C2orf49: variants seen among roughly 807,000 people sequenced by gnomAD.
The protein encoded by C2orf49 is tRNA splicing ligase complex subunit 2, also known as tRNA-splicing ligase complex subunit ASW.
In C2orf49, 11 loss-of-function variants were observed where a neutral mutation model predicts 20.6. That is an observed-to-expected ratio of 0.53 (90% CI 0.34 to 0.88). The LOEUF is 0.88. Among genes scored for constraint, C2orf49 ranks in the 40% least tolerant of loss-of-function variants. The probability of loss-of-function intolerance (pLI) is 0.02; values close to 1 mark genes in which losing one functional copy is unlikely to be tolerated. For synonymous variants in C2orf49, 134 were observed against 108.5 expected (o/e 1.24, Z -1.46); for missense variants, 289 against 274.2 (o/e 1.05, Z -0.38).
chr2:105,343,264 A>G (rs1290966230), intron 3 of C2orf49, 41 bp downstream of exon 3: 3 of 1,523,432 alleles, frequency 2.0e-6, no homozygotes, highest in Non-Finnish European at 2.6e-6. Context: ...AGTGGTCTGA[A>G]TGAAACTTGA....
intron 3 of C2orf49, among the ~76,000 whole-genome samples, chr2:105,344,614 C>G (rs1010698462): frequency 7.2e-5 from 11 of 152,054 alleles, no homozygotes; most frequent in African/African-American, 2.7e-4. Flanking sequence ...GAGTCTTGCT[C>G]TGTCTCCCAG....
chr2:105,354,641 G>A, the C2orf49 span, among the ~76,000 whole-genome samples: 2 of 150,234 alleles, frequency 1.3e-5, no homozygotes, highest in South Asian at 2.1e-4. Flanking sequence ...ACTCCAGCCT[G>A]GGCGACAACA....
At chr2:105,357,373 C>CG in the C2orf49 span, among the ~76,000 whole-genome samples, 1 of 152,128 alleles carries the variant, frequency 6.6e-6, no homozygotes, top group African/African-American at 2.4e-5. Context: ...ATTTAGTATA[C>CG]TTTTCAACTT....
the C2orf49 span, among the ~76,000 whole-genome samples, chr2:105,366,833 C>T: frequency 1.3e-5 from 2 of 152,170 alleles, no homozygotes; most frequent in Admixed American, 6.5e-5. Flanking sequence ...GCAACCTCCA[C>T]CTCCCGGGTT....
downstream of C2orf49, among the ~76,000 whole-genome samples, chr2:105,352,817 A>C (rs1245191679): frequency 6.6e-6 from 1 of 152,030 alleles, no homozygotes; most frequent in Non-Finnish European, 1.5e-5. Context: ...AGAACATTTA[A>C]CAATTAAAGT....
chr2:105,365,462 C>T, the C2orf49 span, among the ~76,000 whole-genome samples: 8 of 152,070 alleles, frequency 5.3e-5, no homozygotes, highest in Non-Finnish European at 8.8e-5. Flanking sequence ...GAATAAAGCA[C>T]ACATTGGAAA....
Position 105,343,230 on chromosome 2 carries a change from A to G in C2orf49, c.642+7A>G. ...AGAAGAGGCAGAGGCCATGGTAAGT[A>G]TGGGGGTGGTTTCCATGCTGGTAAG... On this transcript the variant is annotated splice_region_variant and intron_variant, in intron 3 of 3. Coordinates refer to ENST00000258457, the MANE Select transcript of C2orf49 (RefSeq NM_024093.3). 6.4e-7 allele frequency: 1 copy of G among 1,561,874 alleles called. No individual in the cohort carries two copies. Among genetic ancestry groups the G allele is most frequent in the Non-Finnish European group, 8.6e-7 (1 of 1,160,068 alleles).
At chr2:105,353,557 G>C (rs1679987793), downstream of C2orf49, among the ~76,000 whole-genome samples, 1 of 152,102 alleles carries the variant, frequency 6.6e-6, no homozygotes, top group African/African-American at 2.4e-5. Context: ...ATGTTTTAGG[G>C]GACGGTGGGC....
the C2orf49 span, among the ~76,000 whole-genome samples, chr2:105,371,384 A>G: frequency 6.6e-6 from 1 of 152,140 alleles, no homozygotes; most frequent in South Asian, 2.1e-4. Context: ...CAAGACTGCA[A>G]TAGACACACC....
chr2:105,362,192 G>T, the C2orf49 span, among the ~76,000 whole-genome samples: 4 of 152,250 alleles, frequency 2.6e-5, no homozygotes, highest in South Asian at 6.2e-4. Context: ...AATATGTTCT[G>T]GCAAAAGATT....
At chr2:105,369,779 A>T in the C2orf49 span, among the ~76,000 whole-genome samples, 1 of 152,206 alleles carries the variant, frequency 6.6e-6, no homozygotes, top group Admixed American at 6.5e-5. Context: ...GCCAATGAAT[A>T]TGGGGCAATT....
chr2:105,367,647 T>C, the C2orf49 span: 2 of 1,614,234 alleles, frequency 1.2e-6, no homozygotes, highest in Non-Finnish European at 8.5e-7. Context: ...TCTTTGGGGA[T>C]GAAACTCTTG....
intron 2 of C2orf49, among the ~76,000 whole-genome samples, chr2:105,341,922 A>G (rs1679681737): frequency 1.3e-5 from 2 of 152,246 alleles, no homozygotes; most frequent in African/African-American, 4.8e-5. Flanking sequence ...TCACGCCTGT[A>G]ATCCCAGCAT....
chr2:105,357,187 C>G, the C2orf49 span, among the ~76,000 whole-genome samples: 1 of 152,148 alleles, frequency 6.6e-6, no homozygotes, highest in Non-Finnish European at 1.5e-5. Context: ...TTCCATTACA[C>G]ATATGTTGGT....
the C2orf49 span, among the ~76,000 whole-genome samples, chr2:105,361,769 G>A: frequency 9.9e-5 from 15 of 152,172 alleles, no homozygotes; most frequent in African/African-American, 3.6e-4. Flanking sequence ...TCTTCACTAG[G>A]TGCCTCACGT....
chr2:105,372,110 C>G, the C2orf49 span, among the ~76,000 whole-genome samples: 11 of 152,198 alleles, frequency 7.2e-5, no homozygotes, highest in Non-Finnish European at 1.6e-4. Context: ...CATAGTGTGT[C>G]ACAGTTGTTT....
chr2:105,360,439 C>G, the C2orf49 span: 2 of 151,728 alleles, frequency 1.3e-5, no homozygotes, highest in Non-Finnish European at 2.9e-5. Flanking sequence ...TCACTGCAAG[C>G]TCTGCCTCCC....
At position 105,342,887 on chromosome 2, in the gene C2orf49, C is replaced by T. The variant is rs375315911; in HGVS notation, c.306C>T (p.Ile102=). ...ATGGGTTAAGGAAAAGACCCCTCAT[C>T]GTATTTGATGGAAGTTCAACAAGTA... ...TVDGLRKRPL[I]VFDGSSTSTS... The change falls in exon 3 of 4, where the codon ATC becomes ATT. Residue 102 remains isoleucine (I), a synonymous_variant. Transcript: ENST00000258457. 12 of 1,613,878 alleles carry T rather than the reference C, an allele frequency of 7.4e-6. No homozygotes were observed. Among genetic ancestry groups the T allele is most frequent in the Middle Eastern group, 1.6e-4 (1 of 6,084 alleles).
the C2orf49 span, among the ~76,000 whole-genome samples, chr2:105,366,367 G>A: frequency 2.0e-5 from 3 of 152,210 alleles, no homozygotes; most frequent in Non-Finnish European, 2.9e-5. Flanking sequence ...TGGCCCAGAC[G>A]CAAGGGTAGA....
Sources: gnomAD v4.1 joint callset for allele counts (sites outside exome capture counted in the v4.1 genomes callset) on GRCh38, gnomAD v4.1.1 for gene constraint, MANE v1.5 for transcripts, NCBI Gene and HGNC (gene_info 2026-07-23, HGNC 2026-07-21) for gene names.